The following KLRG1 variants were observed in gnomAD, a reference collection of about 807,000 sequenced individuals.
KLRG1 encodes the protein killer cell lectin-like receptor subfamily G member 1.
In KLRG1, 16 loss-of-function variants were observed where a neutral mutation model predicts 21.8. That is an observed-to-expected ratio of 0.73 (90% CI 0.50 to 1.11). KLRG1 has a LOEUF of 1.11. Among genes scored for constraint, KLRG1 ranks in the 50% most tolerant of loss-of-function variants. The pLI, the probability that KLRG1 is intolerant of heterozygous loss-of-function variation, is 0.00. For synonymous variants in KLRG1, 69 were observed against 75.9 expected (o/e 0.91, Z 0.47); for missense variants, 173 against 218.3 (o/e 0.79, Z 1.31).
intron 1 of KLRG1, among the ~76,000 whole-genome samples, chr12:8,965,627 C>G (rs755353453): frequency 2.1e-3 from 326 of 152,246 alleles, no homozygotes; most frequent in African/African-American, 7.3e-3. Flanking sequence ...ATCCAACTTA[C>G]AAGGGATGTG....
At chr12:9,176,532 C>T in the KLRG1 span, among the ~76,000 whole-genome samples, 1 of 152,208 alleles carries the variant, frequency 6.6e-6, no homozygotes, top group Non-Finnish European at 1.5e-5. Context: ...CACATAGGCA[C>T]ATAAATGAAC....
intron 1 of KLRG1, among the ~76,000 whole-genome samples, chr12:8,974,227 G>C (rs1434562622): frequency 2.6e-5 from 4 of 151,792 alleles, no homozygotes; most frequent in Admixed American, 1.3e-4. Context: ...GAGTGCAGTG[G>C]CGCGATCTCG....
chr12:9,112,615 G>T, the KLRG1 span: 1 of 1,512,190 alleles, frequency 6.6e-7, no homozygotes, highest in Non-Finnish European at 9.1e-7. Flanking sequence ...ACTCTTCCCT[G>T]GAGATCTTGC....
At chr12:9,138,160 T>C in the KLRG1 span, among the ~76,000 whole-genome samples, 3 of 152,194 alleles carry the variant, frequency 2.0e-5, no homozygotes, top group Middle Eastern at 3.4e-3. Flanking sequence ...GGGCCTTTCA[T>C]ATATAGCCTG....
At chr12:9,028,448 C>CT in the KLRG1 span, among the ~76,000 whole-genome samples, 1 of 86,142 alleles carries the variant, frequency 1.2e-5, no homozygotes, top group Admixed American at 1.5e-4. Flanking sequence ...CCACGCCAGG[C>CT]CTTTTTTTTT....
At chr12:9,181,231 G>T in the KLRG1 span, 1 of 1,443,492 alleles carries the variant, frequency 6.9e-7, no homozygotes, top group Non-Finnish European at 9.5e-7. Context: ...CAGTTCATAT[G>T]ACTATGTTGG....
At chr12:9,090,398 C>T in the KLRG1 span, 11 of 1,613,862 alleles carry the variant, frequency 6.8e-6, no homozygotes, top group South Asian at 4.4e-5. Flanking sequence ...GTTTGCCGCC[C>T]GTTTGCACAG....
At chr12:9,213,931 T>C in the KLRG1 span, among the ~76,000 whole-genome samples, 2 of 152,092 alleles carry the variant, frequency 1.3e-5, no homozygotes, top group Non-Finnish European at 2.9e-5. Context: ...TTTATACCTA[T>C]GTCTCCTCCT....
chr12:9,177,570 C>T, the KLRG1 span, among the ~76,000 whole-genome samples: 97 of 152,298 alleles, frequency 6.4e-4, no homozygotes, highest in Middle Eastern at 6.8e-3. Context: ...AGATAGGTAA[C>T]GCAAACACCC....
the KLRG1 span, among the ~76,000 whole-genome samples, chr12:9,087,613 A>G: frequency 3.3e-5 from 5 of 152,082 alleles, no homozygotes. Flanking sequence ...ATAGTTAATA[A>G]TAGTGTATTT....
At chr12:9,078,023 T>G in the KLRG1 span, among the ~76,000 whole-genome samples, 15 of 152,352 alleles carry the variant, frequency 9.8e-5, no homozygotes, top group African/African-American at 3.6e-4. Context: ...ATCTGCTAGA[T>G]GTAGTATTTC....
the KLRG1 span, among the ~76,000 whole-genome samples, chr12:9,093,237 GTGTGCTTGCTA>G: frequency 8.6e-4 from 131 of 152,226 alleles, 1 homozygote; most frequent in African/African-American, 3.0e-3. Context: ...TAGATTTTAG[GTGTGCTTGCTA>G]TGCACACAAA....
At chr12:9,022,842 A>G in the KLRG1 span, among the ~76,000 whole-genome samples, 1 of 152,178 alleles carries the variant, frequency 6.6e-6, no homozygotes, top group Admixed American at 6.5e-5. Flanking sequence ...TGAAGCTTCC[A>G]TAAAAACCCA....
chr12:9,079,432 A>C, the KLRG1 span: 1 of 1,292,592 alleles, frequency 7.7e-7, no homozygotes, highest in African/African-American at 1.5e-5. Flanking sequence ...ACATTTCTTA[A>C]ATTTTGTTGT....
At chr12:9,116,093 G>T in the KLRG1 span, 2 of 481,476 alleles carry the variant, frequency 4.2e-6, no homozygotes, top group South Asian at 3.9e-5. Flanking sequence ...TCCCTGGAGG[G>T]CTAAAACTAC....
the KLRG1 span, among the ~76,000 whole-genome samples, chr12:9,137,004 C>T: frequency 6.6e-6 from 1 of 152,098 alleles, no homozygotes; most frequent in Non-Finnish European, 1.5e-5. Context: ...TTGATTATTC[C>T]TTTGCTTTGC....
intron 1 of KLRG1, among the ~76,000 whole-genome samples, chr12:8,991,658 A>T (rs1332868080): frequency 1.5e-5 from 1 of 68,394 alleles, no homozygotes; most frequent in Non-Finnish European, 4.3e-5. Flanking sequence ...CATATCAGTT[A>T]AAAAAAAAGC....
At chr12:9,113,514 A>G in the KLRG1 span, 1 of 1,613,856 alleles carries the variant, frequency 6.2e-7, no homozygotes, top group Middle Eastern at 1.7e-4. Context: ...CTCAGTGTGG[A>G]GCAGGGAGGG....
At chr12:8,968,416 G>A (rs1946514788) in intron 1 of KLRG1, among the ~76,000 whole-genome samples, 1 of 152,150 alleles carries the variant, frequency 6.6e-6, no homozygotes, top group Non-Finnish European at 1.5e-5. Context: ...AAGGATAAAA[G>A]GGTCAGATAA....
Sources: gnomAD v4.1 joint callset for allele counts (sites outside exome capture counted in the v4.1 genomes callset) on GRCh38, gnomAD v4.1.1 for gene constraint, MANE v1.5 for transcripts, NCBI Gene and HGNC (gene_info 2026-07-23, HGNC 2026-07-21) for gene names.